The following FNDC8 variants were observed in gnomAD, a reference collection of about 807,000 sequenced individuals.
The protein encoded by FNDC8 is fibronectin type III domain containing 8.
In FNDC8, 23 loss-of-function variants were observed where a neutral mutation model predicts 24.8. That is an observed-to-expected ratio of 0.93 (90% CI 0.67 to 1.31). The LOEUF (loss-of-function observed/expected upper bound fraction) is 1.31, where lower values mean the gene tolerates loss of function less well. FNDC8 is among the 40% of genes most tolerant of loss of function. FNDC8 has a pLI of 0.00. For synonymous variants in FNDC8, 158 were observed against 165.3 expected (o/e 0.96, Z 0.34); for missense variants, 371 against 398.2 (o/e 0.93, Z 0.58).
At chr17:35,130,231 C>A in intron 3 of FNDC8, 51 bp from the exon 4 acceptor site, 1 of 1,591,888 alleles carries the variant, frequency 6.3e-7, no homozygotes, top group Non-Finnish European at 8.6e-7. Context: ...GAGAGAGAGC[C>A]AGGTTCAGAT....
At chr17:35,129,934 C>G in intron 3 of FNDC8, 6 of 1,381,604 alleles carry the variant, frequency 4.3e-6, no homozygotes, top group Non-Finnish European at 5.6e-6. Context: ...CTCTGCAATT[C>G]AGTGCCCATG....
chr17:35,129,976 GA>G (rs1357059190), intron 3 of FNDC8: 2 of 1,370,918 alleles, frequency 1.5e-6, no homozygotes, highest in African/African-American at 2.9e-5. Flanking sequence ...CAAGGGCATT[GA>G]AAGAAATAGG....
At chr17:35,129,923 A>T in intron 3 of FNDC8, 1 of 1,387,102 alleles carries the variant, frequency 7.2e-7, no homozygotes, top group Non-Finnish European at 9.3e-7. Flanking sequence ...TGGTTTTTAG[A>T]CTCTGCAATT....
intron 1 of FNDC8, among the ~76,000 whole-genome samples, chr17:35,124,996 C>T (rs1225174860): frequency 1.3e-5 from 2 of 148,648 alleles, no homozygotes; most frequent in African/African-American, 2.5e-5. Context: ...TGCAGTGAGT[C>T]GAAGTCACAC....
rs2091870858 is a variant in FNDC8 at position 35,130,550 on chromosome 17, G to C, written c.*116G>C. The C allele has an allele frequency of 1.8e-6, 2 of 1,133,674 alleles. No homozygotes were observed. The highest frequency in any genetic ancestry group is 1.6e-5 in the African/African-American group (1 of 64,312). 70.2% of individuals were successfully genotyped at this position (1,133,674 alleles called of 1,614,324 possible). A position where few individuals can be genotyped will look rare whatever the true frequency, so the allele number is the denominator to read the frequency against. On this transcript the variant is annotated 3_prime_UTR_variant, in exon 4 of 4. Transcript: ENST00000158009. ...CACCCTGCGGGCCCGGGGTCTGGCA[G>C]AGTGGTATGGGCACCCCACCCCTGG...
At chr17:35,127,566 C>A in intron 2 of FNDC8, 149 bp downstream of exon 2, 1 of 933,996 alleles carries the variant, frequency 1.1e-6, no homozygotes, top group East Asian at 2.6e-5. Flanking sequence ...GTAAAAACTC[C>A]AGTGCAAGAC....
chr17:35,121,948 T>G, intron 1 of FNDC8, 46 bp downstream of exon 1: 2 of 1,209,364 alleles, frequency 1.7e-6, no homozygotes, highest in Non-Finnish European at 2.3e-6. Flanking sequence ...CCTCCCTCCC[T>G]TCCTTCCTCC....
chr17:35,129,245 T>C (rs1203234745), intron 2 of FNDC8, 177 bp from the exon 3 acceptor site: 15 of 770,910 alleles, frequency 1.9e-5, no homozygotes, highest in Middle Eastern at 7.1e-4. Context: ...TAGTACATGC[T>C]TCGGGGCAGG....
At chr17:35,125,133 T>C (rs1026327898) in intron 1 of FNDC8, among the ~76,000 whole-genome samples, 13 of 151,374 alleles carry the variant, frequency 8.6e-5, no homozygotes, top group Admixed American at 7.2e-4. Flanking sequence ...TTCTTTGTAA[T>C]AGCAAACATC....
rs2091866652 is a variant in FNDC8, at chr17:35,129,995, A to G, written c.823-287A>G. 15 of 1,377,316 alleles carry G rather than the reference A, an allele frequency of 1.1e-5. No individual in the cohort carries two copies. In the Admixed American group the frequency reaches 1.2e-4, roughly 11 times the overall value. The allele number at this position is 1,377,316 out of a possible 1,614,324, so 85.3% of individuals were successfully genotyped here. A position where few individuals can be genotyped will look rare whatever the true frequency, so the allele number is the denominator to read the frequency against. On this transcript the variant is annotated intron_variant, in intron 3 of 3. Transcript: ENST00000158009. Reference sequence around the variant, plus strand: ...GGCATTGAAAGAAATAGGGAAGACAAGAGGCTAAAGGGGGACGAAGAAGGG... The same window carrying G: ...GGCATTGAAAGAAATAGGGAAGACAGGAGGCTAAAGGGGGACGAAGAAGGG...
intron 2 of FNDC8, 115 bp downstream of exon 2, chr17:35,127,532 T>C: frequency 7.2e-6 from 9 of 1,256,688 alleles, no homozygotes; most frequent in Non-Finnish European, 9.7e-6. Context: ...AAGTTCACGG[T>C]TTAGGAAGGG....
intron 2 of FNDC8, among the ~76,000 whole-genome samples, chr17:35,128,239 G>C (rs1728880842): frequency 6.6e-6 from 1 of 152,320 alleles, no homozygotes; most frequent in South Asian, 2.1e-4. Flanking sequence ...TCTCCAGATG[G>C]ACAATGTCAG....
intron 2 of FNDC8, 133 bp downstream of exon 2, chr17:35,127,550 G>GT: frequency 8.7e-7 from 1 of 1,148,140 alleles, no homozygotes; most frequent in Non-Finnish European, 1.2e-6. Context: ...GGGAGAGGAT[G>GT]TGTCTGTAAA....
At chr17:35,127,868 G>A (rs71373702) in intron 2 of FNDC8, among the ~76,000 whole-genome samples, 2,068 of 152,296 alleles carry the variant, frequency 0.014, 41 homozygotes, top group African/African-American at 0.047. Context: ...ACCTGGGATC[G>A]AGTGAGGCTA....
intron 1 of FNDC8, among the ~76,000 whole-genome samples, chr17:35,124,072 T>C (rs1455393234): frequency 1.3e-5 from 2 of 152,206 alleles, no homozygotes; most frequent in African/African-American, 4.8e-5. Context: ...CTAATCAGGA[T>C]TTCTCAGGAG....
chr17:35,127,121 C>A lies in FNDC8; in HGVS notation c.289C>A (p.Pro97Thr), dbSNP rs1447797364. The A allele has an allele frequency of 4.3e-6, 7 of 1,614,068 alleles. No homozygotes were observed. Among genetic ancestry groups the A allele is most frequent in the African/African-American group, 2.7e-5 (2 of 74,922 alleles). The stretch of plus-strand genomic sequence containing the variant: ...TGCCTTCTCATCCACCTTGCTGAAC[C>A]CCATCAAATTAGCTGTGACCCAGCC... ...ISAFSSTLLN[P>T]IKLAVTQPNS... Residue 97 changes from proline to threonine, a missense_variant, in exon 2 of 4, where the codon CCC becomes ACC. Transcript: ENST00000158009.
Position 35,121,739 on chromosome 17 carries a change from G to A in FNDC8, c.46G>A (p.Val16Ile). 6.2e-7 allele frequency: 1 copy of A among 1,613,968 alleles called. No individual in the cohort carries two copies. The highest frequency in any genetic ancestry group is 8.5e-7 in the Non-Finnish European group (1 of 1,179,954). ...TCAAGTGGGAGATGGGGAGGAGGCT[G>A]TACTGAAGAAAGAAAACTTCAACAT... is the stretch of plus-strand genomic sequence containing the variant. Reference protein sequence around the residue: ...LHQVGDGEEAVLKKENFNMMN... With the variant: ...LHQVGDGEEAILKKENFNMMN... The change falls in exon 1 of 4, where the codon GTA becomes ATA. Residue 16 changes from valine to isoleucine, a missense_variant. Val to Ile is a conservative substitution (Grantham distance 29, BLOSUM62 3). Coordinates refer to ENST00000158009, the MANE Select transcript of FNDC8 (RefSeq NM_017559.4).
rs1316985382 is a variant in FNDC8 at position 35,130,617 on chromosome 17, C to G, written c.*183C>G. The stretch of plus-strand genomic sequence containing the variant: ...CATAGGGGCCCCATTCACCTGGAGG[C>G]ATCTCAGGCCAGGCCATGCCAGGCT... On this transcript the variant is annotated 3_prime_UTR_variant, in exon 4 of 4. Coordinates refer to ENST00000158009, the MANE Select transcript of FNDC8 (RefSeq NM_017559.4). 1.6e-6 allele frequency: 1 copy of G among 614,774 alleles called. No homozygotes were observed. The highest frequency in any genetic ancestry group is 2.8e-6 in the Non-Finnish European group (1 of 356,636). The allele number at this position is 614,774 out of a possible 1,614,324, so 38.1% of individuals were successfully genotyped here. A position where few individuals can be genotyped will look rare whatever the true frequency, so the allele number is the denominator to read the frequency against.
chr17:35,122,562 C>A (rs1241913469), intron 1 of FNDC8, among the ~76,000 whole-genome samples: 1 of 152,054 alleles, frequency 6.6e-6, no homozygotes, highest in African/African-American at 2.4e-5. Context: ...TGCTCCTTAT[C>A]CTGCCTTGAC....
Sources: allele counts gnomAD v4.1 joint callset (sites outside exome capture counted in the v4.1 genomes callset), GRCh38; gene constraint gnomAD v4.1.1; transcripts MANE v1.5; gene names NCBI Gene and HGNC (gene_info 2026-07-23, HGNC 2026-07-21).